The following RUFY4 variants were observed in gnomAD, a reference collection of about 807,000 sequenced individuals.
The protein encoded by RUFY4 is RUN and FYVE domain-containing protein 4.
A neutral mutation model predicts 69.0 loss-of-function variants in RUFY4; 73 were observed. The ratio of observed to expected loss-of-function variants is 1.06; its 90% CI spans 0.88 to 1.29. The LOEUF is 1.29. Ranked by LOEUF, RUFY4 falls within the 50% of genes most tolerant of loss-of-function variation. The probability of loss-of-function intolerance (pLI) is 0.00; values close to 1 mark genes in which losing one functional copy is unlikely to be tolerated. For missense variants in RUFY4, 770 were observed against 705.6 expected, an observed-to-expected ratio of 1.09 and a Z score of -1.03; for synonymous variants, 287 against 271.8, an observed-to-expected ratio of 1.06 and a Z score of -0.55.
chr2:218,064,731 G>C (rs575949658), upstream of RUFY4, among the ~76,000 whole-genome samples: 1 of 152,082 alleles, frequency 6.6e-6, no homozygotes, highest in South Asian at 2.1e-4. Flanking sequence ...GGGGCAATTG[G>C]GGCTTCCAGA....
intron 2 of RUFY4, among the ~76,000 whole-genome samples, chr2:218,038,811 C>T (rs1261533602): frequency 1.3e-5 from 2 of 152,166 alleles, no homozygotes; most frequent in Non-Finnish European, 2.9e-5. Context: ...ATGGTTGCTG[C>T]AGCTCTAGCA....
upstream of RUFY4, chr2:218,069,607 A>T (rs954578213): frequency 2.6e-5 from 4 of 152,094 alleles, no homozygotes; most frequent in African/African-American, 9.7e-5. Context: ...CCAGGCCAGG[A>T]TGGAGACCCA....
upstream of RUFY4, chr2:218,070,286 T>C (rs1689453343): frequency 1.1e-5 from 4 of 379,578 alleles, no homozygotes; most frequent in South Asian, 1.0e-4. Flanking sequence ...CTGTTTCTCC[T>C]GGTCTAAAAT....
intron 2 of RUFY4, among the ~76,000 whole-genome samples, chr2:218,039,307 G>C (rs1959026389): frequency 6.6e-6 from 1 of 152,220 alleles, no homozygotes. Context: ...ATGGCAGGCA[G>C]ACCAGGTGGG....
At chr2:218,083,746 A>T (rs1052456142) in intron 9 of RUFY4, among the ~76,000 whole-genome samples, 1 of 141,688 alleles carries the variant, frequency 7.1e-6, no homozygotes, top group Non-Finnish European at 1.6e-5. Context: ...AGAATCCATT[A>T]AAAAAAAAAA....
chr2:218,073,922 C>G (rs765425384), intron 6 of RUFY4, 37 bp downstream of exon 8: 6 of 1,600,128 alleles, frequency 3.7e-6, no homozygotes, highest in Non-Finnish European at 5.1e-6. Context: ...GTTGCCTCTT[C>G]CCCATCTCCT....
intron 2 of RUFY4, among the ~76,000 whole-genome samples, chr2:218,047,904 C>G (rs1379796111): frequency 1.3e-5 from 2 of 152,032 alleles, no homozygotes; most frequent in African/African-American, 4.8e-5. Context: ...ATAAGTCTAT[C>G]CTATTGGAAA....
rs149917394 is a variant in RUFY4 at position 218,060,229 on chromosome 2, T to G, written c.-1071+1548T>G. ...CCTCCTCTGCTTCCTGCGACCACAG[T>G]GGGGGCTGCACTGACACTGAGACCA... On this transcript the variant is annotated intron_variant and NMD_transcript_variant, in intron 3 of 13. Coordinates refer to the RUFY4 transcript ENST00000457754. 1.7e-3 allele frequency: 1,716 copies of G among 1,027,982 alleles called. 18 individuals carry two copies. In the African/African-American group the frequency reaches 0.023, roughly 14 times the overall value. The allele number at this position is 1,027,982 out of a possible 1,614,324, so 63.7% of individuals were successfully genotyped here. A position where few individuals can be genotyped will look rare whatever the true frequency, so the allele number is the denominator to read the frequency against.
Position 218,082,548 on chromosome 2 carries a change from G to A in RUFY4, c.1356-562G>A, listed in dbSNP as rs370460685. 1.9e-4 allele frequency among the ~76,000 whole-genome samples: 29 copies of A among 152,340 alleles called. No individual in the cohort carries two copies. In the South Asian group the frequency reaches 4.4e-3, roughly 23 times the overall value. The stretch of plus-strand genomic sequence containing the variant: ...GTTTTCATTTCTCTGAATGGTTGGT[G>A]AGGAGTCAGTTCGTAGGTGTCAGGC... On this transcript the variant is annotated intron_variant, in intron 8 of 10. Coordinates refer to ENST00000344321, the Ensembl canonical transcript of RUFY4.
chr2:218,050,437 G>A (rs1054190625), intron 2 of RUFY4, among the ~76,000 whole-genome samples: 5 of 152,026 alleles, frequency 3.3e-5, no homozygotes, highest in African/African-American at 7.3e-5. Flanking sequence ...TCCACTTGCC[G>A]AACTGCAGGA....
At chr2:218,053,829 C>T (rs1015106526) in intron 2 of RUFY4, among the ~76,000 whole-genome samples, 3 of 152,148 alleles carry the variant, frequency 2.0e-5, no homozygotes, top group Non-Finnish European at 2.9e-5. Context: ...TTTTTTTGTG[C>T]AGACTGGGTT....
At chr2:218,039,683 G>T (rs1959033372) in intron 2 of RUFY4, among the ~76,000 whole-genome samples, 1 of 152,184 alleles carries the variant, frequency 6.6e-6, no homozygotes, top group South Asian at 2.1e-4. Context: ...GAGATGGGGG[G>T]AGCAGTGACC....
At chr2:218,080,918 C>G (rs946614782) in intron 8 of RUFY4, among the ~76,000 whole-genome samples, 9 of 152,184 alleles carry the variant, frequency 5.9e-5, no homozygotes, top group Non-Finnish European at 1.3e-4. Context: ...CTATGTGACC[C>G]TGGGCAAGTG....
At chr2:218,087,010 A>T (rs142624917) in intron 9 of RUFY4, among the ~76,000 whole-genome samples, 5 of 152,234 alleles carry the variant, frequency 3.3e-5, no homozygotes, top group African/African-American at 1.2e-4. Context: ...ATGTTGTAGA[A>T]GACATCTTAG....
chr2:218,089,582 G>A, intron 10 of RUFY4: 1 of 668,192 alleles, frequency 1.5e-6, no homozygotes, highest in Non-Finnish European at 2.7e-6. Flanking sequence ...TCCGGGGAGT[G>A]GGATTGGGTC....
chr2:218,047,415 T>A (rs1688853751), intron 2 of RUFY4, among the ~76,000 whole-genome samples: 2 of 152,152 alleles, frequency 1.3e-5, no homozygotes, highest in Non-Finnish European at 2.9e-5. Context: ...TTTTTTTGTC[T>A]TAGTCTTTTT....
intron 2 of RUFY4, among the ~76,000 whole-genome samples, chr2:218,045,731 A>T (rs1688810680): frequency 6.6e-6 from 1 of 152,152 alleles, no homozygotes; most frequent in Non-Finnish European, 1.5e-5. Flanking sequence ...TGTACTTACC[A>T]GTCTTTTTTC....
At chr2:218,089,602 G>T (rs1470556230) in intron 10 of RUFY4, 2 of 682,712 alleles carry the variant, frequency 2.9e-6, no homozygotes, top group South Asian at 3.1e-5. Flanking sequence ...CCCCCTCCAA[G>T]AGCCGATTGA....
Position 218,081,806 on chromosome 2 carries a change from G to T in RUFY4, c.1356-1304G>T, listed in dbSNP as rs534668683. On this transcript the variant is annotated intron_variant, in intron 8 of 10. Coordinates refer to ENST00000344321, the Ensembl canonical transcript of RUFY4. ...GGGGTTGCAGTGACTGAACTCTTTG[G>T]AATGTCAGTGGCTGAGCTGCTGACA... 5.9e-5 allele frequency among the ~76,000 whole-genome samples: 9 copies of T among 152,344 alleles called. No individual in the cohort carries two copies. The East Asian group carries it at 9.6e-4, about 16-fold the overall frequency.
Sources: gnomAD v4.1 joint callset for allele counts (sites outside exome capture counted in the v4.1 genomes callset) on GRCh38, gnomAD v4.1.1 for gene constraint, MANE v1.5 for transcripts, NCBI Gene and HGNC (gene_info 2026-07-23, HGNC 2026-07-21) for gene names.